Variants in UTRN observed in about 807,000 individuals in gnomAD.
UTRN encodes the protein dystrophin-related protein 1.
In UTRN, 283 loss-of-function variants were observed where a neutral mutation model predicts 463.9. The ratio of observed to expected loss-of-function variants is 0.61; its 90% confidence interval spans 0.55 to 0.67. UTRN has a LOEUF of 0.67. Ranked by LOEUF, UTRN falls within the 30% of genes least tolerant of loss-of-function variation. UTRN has a pLI of 0.00. For synonymous variants in UTRN, 1,442 were observed against 1,431.5 expected, an observed-to-expected ratio of 1.01 and a Z score of -0.17; for missense variants, 3,922 against 4,084.3, an observed-to-expected ratio of 0.96 and a Z score of 1.08.
Position 144,485,441 on chromosome 6 carries a change from G to T in UTRN, c.3744G>T (p.Trp1248Cys), listed in dbSNP as rs1190104809. ...ACTATTTGGATCTTGAAACTACCTGGTTAAACACTTTGGAAGAGCGGATGA... is the reference window on the plus strand; with the variant it reads ...ACTATTTGGATCTTGAAACTACCTGTTTAAACACTTTGGAAGAGCGGATGA... ...LLHYLDLETT[W>C]LNTLEERMKS... is the part of the protein sequence containing the mutation. The change falls in exon 28 of 75, where the codon TGG (tryptophan) becomes TGT (cysteine). Residue 1248 changes from tryptophan (W) to cysteine (C), a missense_variant. Transcript: ENST00000367545. 1 of 1,614,162 alleles carries T rather than the reference G, an allele frequency of 6.2e-7. No homozygotes were observed. Among genetic ancestry groups the T allele is most frequent in the Non-Finnish European group, 8.5e-7 (1 of 1,180,020 alleles).
At chr6:144,531,238 T>A in intron 42 of UTRN, 36 bp downstream of exon 42, 1 of 1,608,918 alleles carries the variant, frequency 6.2e-7, no homozygotes, top group Non-Finnish European at 8.5e-7. Flanking sequence ...GGACTGCACA[T>A]ATGGTTAGTG....
intron 51 of UTRN, among the ~76,000 whole-genome samples, chr6:144,631,357 A>G (rs1365955451): frequency 6.6e-6 from 1 of 152,114 alleles, no homozygotes; most frequent in Non-Finnish European, 1.5e-5. Flanking sequence ...AACTCCAGCA[A>G]TGCTGATCTT....
chr6:144,466,030 T>C lies in UTRN; in HGVS notation c.3066+3164T>C, dbSNP rs1438766233. On this transcript the variant is annotated intron_variant, in intron 23 of 74. Transcript: ENST00000367545. Reference sequence around the variant, plus strand: ...CCTTTTCTTCCCCAATACCATTTTCTTTCCTGGGGGCAGCTAATATTAACA... The same window carrying C: ...CCTTTTCTTCCCCAATACCATTTTCCTTCCTGGGGGCAGCTAATATTAACA... 2.0e-5 allele frequency among the ~76,000 whole-genome samples: 3 copies of C among 152,234 alleles called. No homozygotes were observed. The East Asian group carries it at 5.8e-4, about 29-fold the overall frequency.
At chr6:144,598,000 A>T (rs1286525696) in intron 51 of UTRN, among the ~76,000 whole-genome samples, 1 of 152,248 alleles carries the variant, frequency 6.6e-6, no homozygotes, top group Admixed American at 6.5e-5. Flanking sequence ...TGTTTGAAAC[A>T]TAGGGTTGTT....
At chr6:144,434,218 C>T (rs972579541) in intron 9 of UTRN, among the ~76,000 whole-genome samples, 4 of 152,144 alleles carry the variant, frequency 2.6e-5, no homozygotes, top group Non-Finnish European at 4.4e-5. Flanking sequence ...TGGCGCGCAC[C>T]TGCAATTGCA....
Position 144,488,678 on chromosome 6 carries a change from G to A in UTRN, c.3978G>A (p.Glu1326=). The A allele has an allele frequency of 6.2e-7, 1 of 1,612,428 alleles. No homozygotes were observed. Residue 1326 remains glutamate (E), a synonymous_variant, in exon 30 of 75, where the codon GAG becomes GAA. Coordinates refer to ENST00000367545, the MANE Select transcript of UTRN (RefSeq NM_007124.3). Reference sequence around the variant, plus strand: ...TCAATTTCTCCTTTGTGCAGGCAGAGAGCAAGCAGATTTCTTTGGAAAAGC... The same window carrying A: ...TCAATTTCTCCTTTGTGCAGGCAGAAAGCAAGCAGATTTCTTTGGAAAAGC... The part of the protein sequence containing the change: ...SRYEDLSHLA[E]SKQISLEKQL...
intron 2 of UTRN, among the ~76,000 whole-genome samples, chr6:144,396,229 T>C (rs1316482527): frequency 6.6e-6 from 1 of 152,214 alleles, no homozygotes; most frequent in East Asian, 1.9e-4. Flanking sequence ...AGCTACAACA[T>C]GGATGAAACC....
In UTRN at chr6:144,542,799, G is replaced by T. The variant is rs756079440; in HGVS notation, c.6524G>T (p.Cys2175Phe). ...RTVNMTWNKI[C>F]REVPTTLKEC... is the part of the protein sequence containing the mutation. Reference sequence around the variant, plus strand: ...CTGTTTGTCCTGATGCGGTAGATTTGCAGAGAGGTGCCTACCACCCTGAAG... The same window carrying T: ...CTGTTTGTCCTGATGCGGTAGATTTTCAGAGAGGTGCCTACCACCCTGAAG... Residue 2175 changes from cysteine (C) to phenylalanine (F), a missense_variant, in exon 46 of 75, where the codon TGC becomes TTC. Cys to Phe is a radical substitution (Grantham distance 205, BLOSUM62 -2). Coordinates refer to ENST00000367545, the MANE Select transcript of UTRN (RefSeq NM_007124.3). 1.2e-6 allele frequency: 2 copies of T among 1,613,348 alleles called. No individual in the cohort carries two copies. Among genetic ancestry groups the T allele is most frequent in the Non-Finnish European group, 1.7e-6 (2 of 1,179,672 alleles).
At position 144,610,823 on chromosome 6, in the gene UTRN, C is replaced by G. The variant is rs542994444; in HGVS notation, c.7479+33535C>G. Among the ~76,000 whole-genome samples the G allele has an allele frequency of 3.9e-5, 6 of 152,208 alleles. No homozygotes were observed. In the East Asian group the frequency reaches 9.6e-4, roughly 24 times the overall value. On this transcript the variant is annotated intron_variant, in intron 51 of 74. Coordinates refer to ENST00000367545, the MANE Select transcript of UTRN (RefSeq NM_007124.3). Reference sequence around the variant, plus strand: ...CTTGGAGGCATAGGTTGCAGTGAGCCGAGATTGCACCATTGCACTCCAGCC... The same window carrying G: ...CTTGGAGGCATAGGTTGCAGTGAGCGGAGATTGCACCATTGCACTCCAGCC...
chr6:144,726,814 A>G (rs1410562055), intron 53 of UTRN, among the ~76,000 whole-genome samples: 2 of 152,084 alleles, frequency 1.3e-5, no homozygotes, highest in African/African-American at 4.8e-5. Flanking sequence ...GCAAACAGAC[A>G]GCCAAAGAGA....
chr6:144,392,409 A>C (rs934232964), intron 2 of UTRN, among the ~76,000 whole-genome samples: 1 of 152,204 alleles, frequency 6.6e-6, no homozygotes, highest in Non-Finnish European at 1.5e-5. Context: ...ATTCTGTTTA[A>C]TCAGTGGTGG....
intron 52 of UTRN, among the ~76,000 whole-genome samples, chr6:144,694,997 G>T: frequency 6.7e-6 from 1 of 148,700 alleles, no homozygotes. Context: ...TGAGAGTGAG[G>T]CTATCTGATT....
intron 46 of UTRN, among the ~76,000 whole-genome samples, chr6:144,543,926 A>T (rs896267221): frequency 6.6e-6 from 1 of 152,130 alleles, no homozygotes; most frequent in South Asian, 2.1e-4. Context: ...AAGTTTCTTG[A>T]TTAATATTCA....
At chr6:144,811,523 A>G (rs1480965672) in intron 65 of UTRN, among the ~76,000 whole-genome samples, 3 of 152,128 alleles carry the variant, frequency 2.0e-5, no homozygotes, top group Non-Finnish European at 2.9e-5. Context: ...GGCAAAATCC[A>G]TTTTATTTTG....
chr6:144,700,018 T>TA, intron 52 of UTRN, 69 bp from the exon 53 acceptor site: 2 of 1,456,262 alleles, frequency 1.4e-6, no homozygotes. Context: ...TAAAGGAAGG[T>TA]AGATAATTTT....
intron 52 of UTRN, among the ~76,000 whole-genome samples, chr6:144,690,820 G>A (rs968034001): frequency 6.6e-6 from 1 of 152,152 alleles, no homozygotes; most frequent in East Asian, 1.9e-4. Context: ...TCCCCGGTGG[G>A]TGTGTATGTG....
intron 54 of UTRN, among the ~76,000 whole-genome samples, chr6:144,732,274 A>G (rs1244174827): frequency 1.1e-5 from 1 of 89,226 alleles, no homozygotes; most frequent in Admixed American, 1.2e-4. Context: ...ATATATATAT[A>G]TATACACACA....
chr6:144,429,612 C>A lies in UTRN; in HGVS notation c.726C>A (p.Ser242=). Residue 242 remains serine (S), a synonymous_variant, in exon 9 of 75, where the codon TCC becomes TCA. Coordinates refer to ENST00000367545, the MANE Select transcript of UTRN (RefSeq NM_007124.3). The stretch of plus-strand genomic sequence containing the variant: ...CCGTTCAGCTTCCTGACAAGAAATC[C>A]ATAATTATGTATTTAACATCTTTGT... ...DVAVQLPDKK[S]IIMYLTSLFE... 1 of 1,604,548 alleles carries A rather than the reference C, an allele frequency of 6.2e-7. No homozygotes were observed. The highest frequency in any genetic ancestry group is 1.1e-5 in the South Asian group (1 of 89,430).
chr6:144,483,987 T>G (rs1441301566), intron 27 of UTRN, among the ~76,000 whole-genome samples: 1 of 152,178 alleles, frequency 6.6e-6, no homozygotes, highest in Non-Finnish European at 1.5e-5. Flanking sequence ...GGCAGGTGCC[T>G]TCACTCATTT....
Sources: allele counts gnomAD v4.1 joint callset (sites outside exome capture counted in the v4.1 genomes callset), GRCh38; gene constraint gnomAD v4.1.1; transcripts MANE v1.5; gene names NCBI Gene and HGNC (gene_info 2026-07-23, HGNC 2026-07-21).